The following GLIS1 variants were observed in gnomAD, a reference collection of about 807,000 sequenced individuals.
The protein encoded by GLIS1 is GLIS family zinc finger 1.
A neutral mutation model predicts 63.8 loss-of-function variants in GLIS1; 24 were observed. The observed-to-expected ratio is 0.38, with a 90% confidence interval of 0.27 to 0.53. The LOEUF (loss-of-function observed/expected upper bound fraction) is 0.53, where lower values mean the gene tolerates loss of function less well. Ranked by LOEUF, GLIS1 falls within the 20% of genes least tolerant of loss-of-function variation. The probability of loss-of-function intolerance (pLI) is 0.85; values close to 1 mark genes in which losing one functional copy is unlikely to be tolerated. For missense variants in GLIS1, 1,036 were observed against 1,074.1 expected, an observed-to-expected ratio of 0.96 and a Z score of 0.50; for synonymous variants, 450 against 482.5, an observed-to-expected ratio of 0.93 and a Z score of 0.88.
intron 5 of GLIS1, among the ~76,000 whole-genome samples, chr1:53,525,861 C>T (rs969722008): frequency 1.3e-5 from 2 of 152,146 alleles, no homozygotes; most frequent in Admixed American, 6.5e-5. Flanking sequence ...CAGAACATCC[C>T]CCTAAGCGCT....
At chr1:53,675,249 T>G (rs1365519631) in intron 2 of GLIS1, among the ~76,000 whole-genome samples, 1 of 152,236 alleles carries the variant, frequency 6.6e-6, no homozygotes, top group East Asian at 1.9e-4. Flanking sequence ...AAGGGTCTTC[T>G]GTGTGCAGGC....
chr1:53,664,691 G>T (rs1557510356), intron 2 of GLIS1, among the ~76,000 whole-genome samples: 1 of 152,226 alleles, frequency 6.6e-6, no homozygotes. Flanking sequence ...GCACCCATCA[G>T]TTGGTGGTAT....
chr1:53,594,020 G>A (rs1279900851), intron 4 of GLIS1, 88 bp downstream of exon 4: 1 of 1,429,952 alleles, frequency 7.0e-7, no homozygotes, highest in African/African-American at 1.4e-5. Flanking sequence ...AGAGGACGGA[G>A]TCCCAGGCGG....
Position 53,509,908 on chromosome 1 carries a change from CTGGGGAGTG to C in GLIS1, c.1994_2002del (p.Thr665_Pro667del). 1 of 1,307,700 alleles carries C rather than the reference CTGGGGAGTG, an allele frequency of 7.6e-7. No individual in the cohort carries two copies. The highest frequency in any genetic ancestry group is 9.8e-7 in the Non-Finnish European group (1 of 1,019,722). 81.0% of individuals were successfully genotyped at this position (1,307,700 alleles called of 1,614,324 possible). A position where few individuals can be genotyped will look rare whatever the true frequency, so the allele number is the denominator to read the frequency against. ...CTGGAAGGGTGGGTAGGACGGCTTG[CTGGGGAGTG>C]TGGGGAAGGGCTGGCCCCCCGGAGA... On this transcript the variant is annotated inframe_deletion, in exon 9 of 11. Transcript: ENST00000628545.
In GLIS1 at chr1:53,594,274, T is replaced by G. The variant is rs756076762; in HGVS notation, c.1154A>C (p.Glu385Ala). Reference sequence around the variant, plus strand: ...CTTCTCGATGTGCCGCACCAGCTCCTCCTGCTGCTCATAGGCTGCACAGCA... The same window carrying G: ...CTTCTCGATGTGCCGCACCAGCTCCGCCTGCTGCTCATAGGCTGCACAGCA... Reference protein sequence around the residue: ...VDCCAAYEQQEELVRHIEKSH... With the variant: ...VDCCAAYEQQAELVRHIEKSH... Residue 385 changes from glutamate (E) to alanine (A), a missense_variant, in exon 4 of 11, where the codon GAG becomes GCG. By Grantham distance (107) the Glu-to-Ala change is moderately radical. Coordinates refer to ENST00000628545, the MANE Select transcript of GLIS1 (RefSeq NM_001367484.1). 1 of 1,613,330 alleles carries G rather than the reference T, an allele frequency of 6.2e-7. No homozygotes were observed. The highest frequency in any genetic ancestry group is 1.1e-5 in the South Asian group (1 of 91,084).
At chr1:53,683,185 G>A (rs1454882321) in intron 2 of GLIS1, among the ~76,000 whole-genome samples, 3 of 152,196 alleles carry the variant, frequency 2.0e-5, no homozygotes. Context: ...CACATTCCTG[G>A]CTCCCCAACC....
At position 53,506,376 on chromosome 1, in the gene GLIS1, A is replaced by T; in HGVS notation, c.*243T>A. 2.0e-6 allele frequency: 1 copy of T among 500,334 alleles called. No homozygotes were observed. Among genetic ancestry groups the T allele is most frequent in the South Asian group, 3.9e-5 (1 of 25,750 alleles). The allele number at this position is 500,334 out of a possible 1,614,324, so 31.0% of individuals were successfully genotyped here. A position where few individuals can be genotyped will look rare whatever the true frequency, so the allele number is the denominator to read the frequency against. ...CACTGCGGGGAGGAACGGGAAGACA[A>T]GATCGAGGGAATGTTACAGGGCCAC... On this transcript the variant is annotated 3_prime_UTR_variant, in exon 11 of 11. Coordinates refer to ENST00000628545, the MANE Select transcript of GLIS1 (RefSeq NM_001367484.1).
intron 4 of GLIS1, among the ~76,000 whole-genome samples, chr1:53,549,416 C>T (rs1354537795): frequency 2.0e-5 from 3 of 152,240 alleles, no homozygotes; most frequent in Admixed American, 2.0e-4. Context: ...GTTCCACTTT[C>T]TCCACCTCCT....
rs530432242 is a variant in GLIS1, at chr1:53,624,200, T to C, written c.260-23922A>G. On this transcript the variant is annotated intron_variant, in intron 2 of 10. Transcript: ENST00000628545. ...GGTGGCACTGGCATAAGAATAGACA[T>C]AGATCAACAGAACAAACAAAGTCTA... is the stretch of plus-strand genomic sequence containing the variant. Among the ~76,000 whole-genome samples, 146 of 152,328 alleles carry C rather than the reference T, an allele frequency of 9.6e-4. 1 individual carries two copies. The highest frequency in any genetic ancestry group is 3.2e-3 in the African/African-American group (135 of 41,572).
intron 4 of GLIS1, among the ~76,000 whole-genome samples, chr1:53,562,789 C>T (rs530139713): frequency 6.6e-6 from 1 of 152,284 alleles, no homozygotes; most frequent in South Asian, 2.1e-4. Flanking sequence ...GCCAGATCTG[C>T]GGGAGACACG....
chr1:53,546,520 G>C (rs865936588), intron 4 of GLIS1, among the ~76,000 whole-genome samples: 6 of 152,190 alleles, frequency 3.9e-5, no homozygotes, highest in Admixed American at 3.3e-4. Flanking sequence ...TCTGGTCCTG[G>C]AGGTGTCTTC....
At chr1:53,678,189 T>G (rs1462325544) in intron 2 of GLIS1, among the ~76,000 whole-genome samples, 2 of 152,088 alleles carry the variant, frequency 1.3e-5, no homozygotes, top group Non-Finnish European at 2.9e-5. Flanking sequence ...AGATGTCCCC[T>G]GAGGTGCCTG....
At chr1:53,688,312 T>C (rs1252823539) in intron 2 of GLIS1, among the ~76,000 whole-genome samples, 1 of 152,244 alleles carries the variant, frequency 6.6e-6, no homozygotes. Context: ...CCCTACAAAA[T>C]GTGCTCTGAG....
intron 8 of GLIS1, among the ~76,000 whole-genome samples, chr1:53,514,049 A>C (rs957609118): frequency 5.3e-5 from 8 of 152,208 alleles, no homozygotes; most frequent in Non-Finnish European, 1.0e-4. Flanking sequence ...CACATTCACC[A>C]TTTCCAGTCA....
At chr1:53,531,634 T>G (rs1319410813) in intron 4 of GLIS1, among the ~76,000 whole-genome samples, 1 of 152,102 alleles carries the variant, frequency 6.6e-6, no homozygotes, top group African/African-American at 2.4e-5. Context: ...CCTCTAGGTG[T>G]AGAGAGCCCA....
At chr1:53,625,869 G>A (rs185917532) in intron 2 of GLIS1, among the ~76,000 whole-genome samples, 6 of 152,336 alleles carry the variant, frequency 3.9e-5, no homozygotes, top group African/African-American at 9.6e-5. Flanking sequence ...GCACAGGGGC[G>A]CAGGTGGCCA....
At chr1:53,519,649 C>T (rs887603022) in intron 7 of GLIS1, among the ~76,000 whole-genome samples, 2 of 152,146 alleles carry the variant, frequency 1.3e-5, no homozygotes, top group Admixed American at 6.5e-5. Flanking sequence ...AGACCTGCCC[C>T]GTGGCCCACG....
At chr1:53,618,000 G>A (rs778345751) in intron 2 of GLIS1, among the ~76,000 whole-genome samples, 2 of 152,252 alleles carry the variant, frequency 1.3e-5, no homozygotes, top group Non-Finnish European at 2.9e-5. Flanking sequence ...CAAGCATATG[G>A]TTCCTTTGAA....
At chr1:53,606,440 G>A (rs186800783) in intron 2 of GLIS1, among the ~76,000 whole-genome samples, 104 of 152,340 alleles carry the variant, frequency 6.8e-4, no homozygotes, top group Middle Eastern at 3.4e-3. Context: ...GGCACCCCAG[G>A]AATCACAGGC....
Sources: gnomAD v4.1 joint callset for allele counts (sites outside exome capture counted in the v4.1 genomes callset) on GRCh38, gnomAD v4.1.1 for gene constraint, MANE v1.5 for transcripts, NCBI Gene and HGNC (gene_info 2026-07-23, HGNC 2026-07-21) for gene names.